Variants in CLSTN2 observed in about 807,000 individuals in gnomAD.
CLSTN2 encodes the protein calsyntenin-2.
CLSTN2 carries 48 observed loss-of-function variants against 101.2 expected under a neutral mutation model. That is an observed-to-expected ratio of 0.47 (90% CI 0.38 to 0.60). CLSTN2 has a LOEUF of 0.60. Ranked by LOEUF, CLSTN2 falls within the 20% of genes least tolerant of loss-of-function variation. CLSTN2 has a pLI of 0.00. For missense variants in CLSTN2, 1,160 were observed against 1,238.2 expected (o/e 0.94, Z 0.95); for synonymous variants, 481 against 463.6 (o/e 1.04, Z -0.48).
At chr3:140,341,509 C>T (rs1275051992) in intron 2 of CLSTN2, among the ~76,000 whole-genome samples, 2 of 152,172 alleles carry the variant, frequency 1.3e-5, no homozygotes, top group African/African-American at 4.8e-5. Context: ...GACTTTCAGC[C>T]GCATTTTCTT....
intron 1 of CLSTN2, among the ~76,000 whole-genome samples, chr3:139,976,879 G>A (rs1156510722): frequency 2.0e-5 from 3 of 152,106 alleles, no homozygotes; most frequent in East Asian, 3.9e-4. Flanking sequence ...ACCTACAACC[G>A]TCCCAAGCAA....
chr3:140,306,414 A>AT (rs1342199432), intron 2 of CLSTN2, among the ~76,000 whole-genome samples: 3 of 151,966 alleles, frequency 2.0e-5, no homozygotes, highest in African/African-American at 7.3e-5. Flanking sequence ...AAAAAAAAAA[A>AT]CTCAGGTTTT....
At chr3:140,520,334 T>C (rs879429190) in intron 8 of CLSTN2, among the ~76,000 whole-genome samples, 4 of 152,310 alleles carry the variant, frequency 2.6e-5, no homozygotes, top group East Asian at 1.9e-4. Flanking sequence ...AGGAAAGAGA[T>C]TTAATTGACT....
At chr3:140,225,735 A>G (rs1161458761) in intron 2 of CLSTN2, among the ~76,000 whole-genome samples, 4 of 152,082 alleles carry the variant, frequency 2.6e-5, no homozygotes, top group Admixed American at 2.6e-4. Flanking sequence ...TGACCTCATC[A>G]TCTACCACCT....
At chr3:140,090,496 A>G (rs2008760230) in intron 1 of CLSTN2, among the ~76,000 whole-genome samples, 1 of 152,114 alleles carries the variant, frequency 6.6e-6, no homozygotes, top group South Asian at 2.1e-4. Context: ...GAGAAAAAAC[A>G]AAGGTACTAT....
At chr3:140,015,038 C>T (rs1304112143) in intron 1 of CLSTN2, among the ~76,000 whole-genome samples, 1 of 152,198 alleles carries the variant, frequency 6.6e-6, no homozygotes, top group Non-Finnish European at 1.5e-5. Flanking sequence ...CACAACACAG[C>T]AGACAGCGTG....
intron 1 of CLSTN2, among the ~76,000 whole-genome samples, chr3:139,965,497 C>T (rs956897996): frequency 6.6e-6 from 1 of 152,172 alleles, no homozygotes; most frequent in African/African-American, 2.4e-5. Context: ...CAGGGCCTCC[C>T]TTCTGGCGAG....
chr3:140,243,323 A>G (rs2086487026), intron 2 of CLSTN2, among the ~76,000 whole-genome samples: 1 of 152,206 alleles, frequency 6.6e-6, no homozygotes, highest in Non-Finnish European at 1.5e-5. Context: ...TTTTATCCAG[A>G]CTTCAGAAAA....
chr3:140,280,487 G>A (rs1010925422), intron 2 of CLSTN2, among the ~76,000 whole-genome samples: 2 of 152,184 alleles, frequency 1.3e-5, no homozygotes, highest in South Asian at 2.1e-4. Flanking sequence ...CTAGTTTGAG[G>A]AGAATTCTTC....
intron 4 of CLSTN2, among the ~76,000 whole-genome samples, chr3:140,405,388 C>T (rs776345947): frequency 2.0e-5 from 3 of 152,060 alleles, no homozygotes; most frequent in South Asian, 4.2e-4. Flanking sequence ...CCACCATGCT[C>T]GGCTAATTTT....
chr3:140,261,149 C>A (rs564947816), intron 2 of CLSTN2, among the ~76,000 whole-genome samples: 3 of 152,142 alleles, frequency 2.0e-5, no homozygotes, highest in South Asian at 2.1e-4. Flanking sequence ...ATAACCCACA[C>A]CTTCTTGGGG....
At chr3:140,469,979 G>A (rs1933797263) in intron 8 of CLSTN2, among the ~76,000 whole-genome samples, 2 of 152,034 alleles carry the variant, frequency 1.3e-5, no homozygotes, top group African/African-American at 4.8e-5. Flanking sequence ...TGATCTTGAT[G>A]TCTTATTTCA....
At chr3:140,462,679 G>GA (rs1381227006) in intron 7 of CLSTN2, 1 of 152,098 alleles carries the variant, frequency 6.6e-6, no homozygotes, top group African/African-American at 2.4e-5. Context: ...CTTCCACCAA[G>GA]AAAAACATCT....
chr3:140,380,664 G>A (rs975720743), intron 2 of CLSTN2, among the ~76,000 whole-genome samples: 2 of 152,128 alleles, frequency 1.3e-5, no homozygotes, highest in Non-Finnish European at 2.9e-5. Flanking sequence ...CACTGACTGG[G>A]CATCCATGGC....
At chr3:140,529,138 A>G (rs1303905761) in intron 8 of CLSTN2, among the ~76,000 whole-genome samples, 2 of 151,940 alleles carry the variant, frequency 1.3e-5, no homozygotes, top group Non-Finnish European at 2.9e-5. Flanking sequence ...TCCTCATCTC[A>G]TGGGAGGCTT....
intron 1 of CLSTN2, among the ~76,000 whole-genome samples, chr3:140,022,045 G>A (rs2007329344): frequency 6.6e-6 from 1 of 152,190 alleles, no homozygotes; most frequent in South Asian, 2.1e-4. Flanking sequence ...GAAAAAAAAT[G>A]GAAGCTTATG....
At position 140,472,360 on chromosome 3, in the gene CLSTN2, G is replaced by A. The variant is rs1043986817; in HGVS notation, c.1344+5629G>A. Among the ~76,000 whole-genome samples the A allele has an allele frequency of 2.0e-5, 3 of 152,332 alleles. No individual in the cohort carries two copies. The East Asian group carries it at 5.8e-4, about 29-fold the overall frequency. On this transcript the variant is annotated intron_variant, in intron 8 of 16. Transcript: ENST00000458420. ...ACATCCTTTATTCTTGGTGAGGAAAGTGTGTTAGAATGATGCAGAGTCAGT... is the reference window on the plus strand; with the variant it reads ...ACATCCTTTATTCTTGGTGAGGAAAATGTGTTAGAATGATGCAGAGTCAGT...
intron 5 of CLSTN2, among the ~76,000 whole-genome samples, chr3:140,422,837 T>A (rs2088520530): frequency 6.6e-6 from 1 of 152,164 alleles, no homozygotes; most frequent in African/African-American, 2.4e-5. Context: ...CAGTGTCTAG[T>A]GCCAATTGTG....
At chr3:140,240,319 C>CAT (rs1491230653) in intron 2 of CLSTN2, among the ~76,000 whole-genome samples, 1 of 146,346 alleles carries the variant, frequency 6.8e-6, no homozygotes. Context: ...CACACACACA[C>CAT]ATACACATAC....
Sources: allele counts gnomAD v4.1 joint callset (sites outside exome capture counted in the v4.1 genomes callset), GRCh38; gene constraint gnomAD v4.1.1; transcripts MANE v1.5; gene names NCBI Gene and HGNC (gene_info 2026-07-23, HGNC 2026-07-21).